Variants in SLC4A7 observed in about 807,000 individuals in gnomAD.
SLC4A7 encodes sodium bicarbonate cotransporter 3.
A neutral mutation model predicts 137.6 loss-of-function variants in SLC4A7; 51 were observed. The observed-to-expected ratio is 0.37, with a 90% CI of 0.30 to 0.47. The LOEUF (loss-of-function observed/expected upper bound fraction) is 0.47. SLC4A7 is among the 20% of genes least tolerant of loss of function. The pLI is 1.00. For synonymous variants in SLC4A7, 542 were observed against 518.6 expected, an observed-to-expected ratio of 1.05 and a Z score of -0.61; for missense variants, 1,247 against 1,525.4, an observed-to-expected ratio of 0.82 and a Z score of 3.04.
At chr3:27,417,881 T>C (rs2054547907) in intron 11 of SLC4A7, among the ~76,000 whole-genome samples, 1 of 152,106 alleles carries the variant, frequency 6.6e-6, no homozygotes, top group Non-Finnish European at 1.5e-5. Context: ...AATAGGCCCT[T>C]TCATACATCA....
In SLC4A7 at chr3:27,428,645, T is replaced by C. The variant is rs562954293; in HGVS notation, c.1150+2653A>G. ...TTTAGGCCATCAGTTACTAGTTGTA[T>C]GATGCAGGGGAAGATGACTAACTTT... is the stretch of plus-strand genomic sequence containing the variant. On this transcript the variant is annotated intron_variant, in intron 7 of 25. Transcript: ENST00000454389. 1.1e-4 allele frequency among the ~76,000 whole-genome samples: 17 copies of C among 152,294 alleles called. No homozygotes were observed. In the East Asian group the frequency reaches 2.1e-3, roughly 19 times the overall value.
intron 3 of SLC4A7, among the ~76,000 whole-genome samples, chr3:27,437,985 T>G (rs974456350): frequency 5.9e-5 from 9 of 152,042 alleles, no homozygotes; most frequent in Non-Finnish European, 1.3e-4. Context: ...CCATCTGAGG[T>G]CAGGAGCTCG....
intron 21 of SLC4A7, among the ~76,000 whole-genome samples, chr3:27,390,595 C>T (rs1039039204): frequency 5.9e-5 from 9 of 152,128 alleles, no homozygotes; most frequent in African/African-American, 1.9e-4. Flanking sequence ...CTCATTAACA[C>T]ACTGTGAATA....
chr3:27,439,169 A>G (rs941492699), intron 3 of SLC4A7, among the ~76,000 whole-genome samples: 32 of 152,338 alleles, frequency 2.1e-4, no homozygotes, highest in African/African-American at 7.5e-4. Flanking sequence ...GAGTAGATTC[A>G]ATGGAATTGT....
chr3:27,431,702 A>C, intron 6 of SLC4A7, 33 bp from the exon 7 acceptor site: 6 of 1,499,940 alleles, frequency 4.0e-6, no homozygotes, highest in Non-Finnish European at 5.3e-6. Flanking sequence ...AAAATGATGA[A>C]GTCCACTGCA....
At chr3:27,399,187 C>T (rs1230046848) in intron 16 of SLC4A7, among the ~76,000 whole-genome samples, 2 of 152,072 alleles carry the variant, frequency 1.3e-5, no homozygotes, top group Non-Finnish European at 2.9e-5. Flanking sequence ...GATTAGTAAA[C>T]CTAATCCATT....
At chr3:27,444,552 C>T (rs772913278) in intron 3 of SLC4A7, among the ~76,000 whole-genome samples, 3 of 152,112 alleles carry the variant, frequency 2.0e-5, no homozygotes, top group Non-Finnish European at 4.4e-5. Flanking sequence ...TCTTGAAAAC[C>T]GCTGATTACT....
chr3:27,444,815 A>G (rs2057464848), intron 3 of SLC4A7, among the ~76,000 whole-genome samples: 3 of 152,180 alleles, frequency 2.0e-5, no homozygotes, highest in South Asian at 2.1e-4. Flanking sequence ...ATTTTGGCTC[A>G]TATTTTCCTG....
intron 13 of SLC4A7, among the ~76,000 whole-genome samples, chr3:27,408,043 C>T (rs1017944673): frequency 6.6e-6 from 1 of 152,208 alleles, no homozygotes; most frequent in Non-Finnish European, 1.5e-5. Flanking sequence ...ATTTCTATTA[C>T]TTCAAATCCT....
intron 7 of SLC4A7, among the ~76,000 whole-genome samples, 189 bp downstream of exon 7, chr3:27,431,109 G>A (rs147980527): frequency 1.3e-5 from 2 of 151,886 alleles, no homozygotes; most frequent in African/African-American, 4.8e-5. Flanking sequence ...AACTTTCAAC[G>A]GCGAAAACCG....
intron 3 of SLC4A7, among the ~76,000 whole-genome samples, chr3:27,442,347 T>C (rs545399305): frequency 1.4e-4 from 21 of 152,272 alleles, no homozygotes; most frequent in Middle Eastern, 3.4e-3. Context: ...AATCCTTCTA[T>C]ACTTTGTAAT....
intron 14 of SLC4A7, among the ~76,000 whole-genome samples, chr3:27,404,240 G>A (rs1457357989): frequency 3.3e-5 from 5 of 152,136 alleles, no homozygotes; most frequent in South Asian, 2.1e-4. Context: ...TGGTTGCGGC[G>A]CCAGTAATCC....
intron 20 of SLC4A7, among the ~76,000 whole-genome samples, chr3:27,393,590 G>A (rs73821994): frequency 0.031 from 4,644 of 152,168 alleles, 245 homozygotes; most frequent in African/African-American, 0.11. Context: ...GGCTTGGGCT[G>A]GAGTAAAATA....
chr3:27,421,918 A>G (rs2055018589), intron 8 of SLC4A7, 139 bp from the exon 9 acceptor site: 1 of 633,950 alleles, frequency 1.6e-6, no homozygotes, highest in South Asian at 2.3e-5. Flanking sequence ...AAAATGTCAA[A>G]ATTTTCACAA....
chr3:27,411,676 G>A lies in SLC4A7; in HGVS notation c.1732C>T (p.His578Tyr), dbSNP rs774561522. The change falls in exon 12 of 26, where the codon CAT becomes TAT. Residue 578 changes from histidine (H) to tyrosine (Y), a missense_variant. Physicochemically the swap from His to Tyr is moderately conservative, Grantham distance 83. Transcript: ENST00000454389. ...TLGETPKEAA[H>Y]HAGPELQRTG... ...CTCTGTAGCTCAGGCCCAGCATGAT[G>A]AGCGGCCTCTTTAGGAGTCTCACCC... 31 of 1,564,872 alleles carry A rather than the reference G, an allele frequency of 2.0e-5. No individual in the cohort carries two copies. The highest frequency in any genetic ancestry group is 1.7e-4 in the Middle Eastern group (1 of 5,866).
At chr3:27,445,661 T>C (rs1020940807) in intron 3 of SLC4A7, among the ~76,000 whole-genome samples, 2 of 150,136 alleles carry the variant, frequency 1.3e-5, no homozygotes, top group African/African-American at 4.9e-5. Context: ...CTCACACCTG[T>C]AATCCCAGTA....
At chr3:27,409,309 G>A in intron 13 of SLC4A7, 47 bp downstream of exon 13, 1 of 1,415,062 alleles carries the variant, frequency 7.1e-7, no homozygotes, top group Non-Finnish European at 9.6e-7. Flanking sequence ...ACAGACACTT[G>A]CCTCTGAAGA....
intron 12 of SLC4A7, 127 bp downstream of exon 12, chr3:27,411,515 G>A (rs1046474813): frequency 2.5e-5 from 9 of 355,570 alleles, no homozygotes; most frequent in African/African-American, 4.3e-5. Context: ...ATATAATAAT[G>A]CACATTTTTA....
At chr3:27,403,060 CA>C in intron 15 of SLC4A7, 78 bp downstream of exon 15, 42 of 1,423,436 alleles carry the variant, frequency 3.0e-5, no homozygotes, top group Admixed American at 6.8e-5. Context: ...TATCACACTG[CA>C]AAAAAAATTC....
Sources: gnomAD v4.1 joint callset for allele counts (sites outside exome capture counted in the v4.1 genomes callset) on GRCh38, gnomAD v4.1.1 for gene constraint, MANE v1.5 for transcripts, NCBI Gene and HGNC (gene_info 2026-07-23, HGNC 2026-07-21) for gene names.